LRCH1: variants seen among roughly 807,000 people sequenced by gnomAD.
The protein encoded by LRCH1 is leucine rich repeats and calponin homology domain containing 1.
In LRCH1, 23 loss-of-function variants were observed where a neutral mutation model predicts 94.9. The ratio of observed to expected loss-of-function variants is 0.24; its 90% CI spans 0.17 to 0.34. The LOEUF (loss-of-function observed/expected upper bound fraction) is 0.34. Among genes scored for constraint, LRCH1 ranks in the 10% least tolerant of loss-of-function variants. The pLI, the probability that LRCH1 is intolerant of heterozygous loss-of-function variation, is 1.00. For missense variants in LRCH1, 790 were observed against 945.9 expected (o/e 0.84, Z 2.16); for synonymous variants, 364 against 354.9 (o/e 1.03, Z -0.29).
Position 46,741,723 on chromosome 13 carries a change from G to T in LRCH1, c.2167G>T (p.Gly723Trp). Reference sequence around the variant, plus strand: ...GACTGTTGACACTCTGCTGGCACTCGGGGAGAAAGCCCCACCACCAACTTC... The same window carrying T: ...GACTGTTGACACTCTGCTGGCACTCTGGGAGAAAGCCCCACCACCAACTTC... ...RKTVDTLLALGEKAPPPTSAL... is the reference protein window; with the variant it reads ...RKTVDTLLALWEKAPPPTSAL... Residue 723 changes from glycine to tryptophan, a missense_variant, in exon 20 of 20, where the codon GGG becomes TGG. This residue lies in a region of LRCH1 where 460 missense variants were observed against 508.9 expected (regional missense o/e 0.90). Coordinates refer to ENST00000389797, the MANE Select transcript of LRCH1 (RefSeq NM_001164211.2). 6.2e-7 allele frequency: 1 copy of T among 1,614,146 alleles called. No individual in the cohort carries two copies. Among genetic ancestry groups the T allele is most frequent in the South Asian group, 1.1e-5 (1 of 91,076 alleles).
chr13:46,644,740 C>A (rs1031950203), intron 1 of LRCH1, among the ~76,000 whole-genome samples: 2 of 152,174 alleles, frequency 1.3e-5, no homozygotes, highest in African/African-American at 2.4e-5. Flanking sequence ...GCCTGTTTGT[C>A]CCCCAGTGTA....
chr13:46,587,219 A>T (rs1472413592), intron 1 of LRCH1, among the ~76,000 whole-genome samples: 1 of 152,176 alleles, frequency 6.6e-6, no homozygotes. Context: ...AAGAGTGGAG[A>T]GTTGGCCTTA....
At chr13:46,617,160 T>C (rs1006375317) in intron 1 of LRCH1, among the ~76,000 whole-genome samples, 2 of 152,218 alleles carry the variant, frequency 1.3e-5, no homozygotes, top group African/African-American at 2.4e-5. Flanking sequence ...AACTGTCAGA[T>C]AGCCTGTGTC....
intron 17 of LRCH1, among the ~76,000 whole-genome samples, chr13:46,726,862 C>CAAAAA (rs71077918): frequency 7.7e-5 from 6 of 78,002 alleles, no homozygotes; most frequent in Non-Finnish European, 1.4e-4. Flanking sequence ...AGAGCAGTGT[C>CAAAAA]AAAAAAAAAA....
chr13:46,641,057 T>C (rs1156921642), intron 1 of LRCH1, among the ~76,000 whole-genome samples: 1 of 152,164 alleles, frequency 6.6e-6, no homozygotes, highest in Non-Finnish European at 1.5e-5. Context: ...TTCTGCTTTA[T>C]TGGCTGGGTA....
chr13:46,684,192 G>C (rs762723626), intron 4 of LRCH1, among the ~76,000 whole-genome samples: 1 of 152,114 alleles, frequency 6.6e-6, no homozygotes, highest in Non-Finnish European at 1.5e-5. Flanking sequence ...TGGGGAGAGA[G>C]AGTGGGATTT....
chr13:46,685,316 A>C (rs973461165), intron 4 of LRCH1, among the ~76,000 whole-genome samples: 5 of 152,168 alleles, frequency 3.3e-5, no homozygotes, highest in Admixed American at 2.6e-4. Context: ...CTGTCTTCTG[A>C]GTGGAGCTAC....
chr13:46,738,443 G>A (rs550299481), intron 19 of LRCH1, among the ~76,000 whole-genome samples: 3 of 152,316 alleles, frequency 2.0e-5, no homozygotes, highest in African/African-American at 7.2e-5. Context: ...ATATATGAAA[G>A]TCATAATAGC....
At chr13:46,590,987 CCTGTAAGTT>C (rs2050493478) in intron 1 of LRCH1, among the ~76,000 whole-genome samples, 1 of 151,272 alleles carries the variant, frequency 6.6e-6, no homozygotes, top group African/African-American at 2.4e-5. Context: ...TTTTTTTCCC[CCTGTAAGTT>C]CTCTGCGAGC....
chr13:46,643,590 C>T (rs986743779), intron 1 of LRCH1, among the ~76,000 whole-genome samples: 1 of 152,166 alleles, frequency 6.6e-6, no homozygotes, highest in African/African-American at 2.4e-5. Context: ...TTGATCCACA[C>T]TCACTTCCCC....
At chr13:46,592,869 A>C (rs989899496) in intron 1 of LRCH1, among the ~76,000 whole-genome samples, 1 of 152,160 alleles carries the variant, frequency 6.6e-6, no homozygotes, top group African/African-American at 2.4e-5. Flanking sequence ...ATTGGTATTA[A>C]AAATCAATAT....
At chr13:46,608,848 G>A (rs1357875959) in intron 1 of LRCH1, among the ~76,000 whole-genome samples, 1 of 152,152 alleles carries the variant, frequency 6.6e-6, no homozygotes, top group Non-Finnish European at 1.5e-5. Flanking sequence ...AGAAATTTAA[G>A]TTTCTCTAGA....
At chr13:46,582,361 TG>T (rs2050378318) in intron 1 of LRCH1, among the ~76,000 whole-genome samples, 1 of 140,660 alleles carries the variant, frequency 7.1e-6, no homozygotes, top group African/African-American at 2.7e-5. Flanking sequence ...GAACAACCGT[TG>T]CTCTCATCTT....
At chr13:46,610,422 A>G (rs1250182031) in intron 1 of LRCH1, among the ~76,000 whole-genome samples, 1 of 151,802 alleles carries the variant, frequency 6.6e-6, no homozygotes, top group Non-Finnish European at 1.5e-5. Context: ...TTTTATTTAA[A>G]AACTTGTAAT....
chr13:46,720,302 G>A (rs1266377158), intron 16 of LRCH1, among the ~76,000 whole-genome samples: 1 of 151,512 alleles, frequency 6.6e-6, no homozygotes. Flanking sequence ...TGGGAGAATC[G>A]CGTGAGCCCA....
At chr13:46,569,107 G>T (rs992635700) in intron 1 of LRCH1, among the ~76,000 whole-genome samples, 1 of 151,998 alleles carries the variant, frequency 6.6e-6, no homozygotes, top group African/African-American at 2.4e-5. Context: ...CCCTCTTTAC[G>T]TAGTCTTACT....
At chr13:46,675,405 CT>C (rs1017376986) in intron 3 of LRCH1, among the ~76,000 whole-genome samples, 19 of 152,050 alleles carry the variant, frequency 1.2e-4, no homozygotes, top group African/African-American at 4.3e-4. Context: ...AAAATCATGT[CT>C]TCTAGCTCTT....
chr13:46,742,380 A>T lies in LRCH1; in HGVS notation c.*532A>T, dbSNP rs1873708447. ...ACTTTAATAATACCACTACTGACCAAGTTGGACGTGTACACGTACTCACAC... is the reference window on the plus strand; with the variant it reads ...ACTTTAATAATACCACTACTGACCATGTTGGACGTGTACACGTACTCACAC... On this transcript the variant is annotated 3_prime_UTR_variant, in exon 20 of 20. Coordinates refer to ENST00000389797, the MANE Select transcript of LRCH1 (RefSeq NM_001164211.2). 1 of 993,202 alleles carries T rather than the reference A, an allele frequency of 1.0e-6. No homozygotes were observed. Among genetic ancestry groups the T allele is most frequent in the South Asian group, 4.5e-5 (1 of 22,018 alleles). 61.5% of individuals were successfully genotyped at this position (993,202 alleles called of 1,614,324 possible).
chr13:46,705,278 C>G lies in LRCH1; in HGVS notation c.1501C>G (p.Gln501Glu). The change falls in exon 13 of 20, where the codon CAG becomes GAG. Residue 501 changes from glutamine (Q) to glutamate (E), a missense_variant. Gln to Glu is a conservative substitution (Grantham distance 29). This residue lies in a region of LRCH1 where 460 missense variants were observed against 508.9 expected (regional missense o/e 0.90). Transcript: ENST00000389797. Reference sequence around the variant, plus strand: ...TCCTTGTTCTCACAGTGGTCAAATACAGCTGGAGACATCTCCGGTGTGTGA... The same window carrying G: ...TCCTTGTTCTCACAGTGGTCAAATAGAGCTGGAGACATCTCCGGTGTGTGA... Reference protein sequence around the residue: ...LQDSALNGQIQLETSPVCEVQ... With the variant: ...LQDSALNGQIELETSPVCEVQ... 6.2e-7 allele frequency: 1 copy of G among 1,613,262 alleles called. No homozygotes were observed. Among genetic ancestry groups the G allele is most frequent in the Non-Finnish European group, 8.5e-7 (1 of 1,179,596 alleles).
Sources: gnomAD v4.1 joint callset for allele counts (sites outside exome capture counted in the v4.1 genomes callset) on GRCh38, gnomAD v4.1.1 for gene constraint, gnomAD v4.1.1 regional missense constraint, MANE v1.5 for transcripts, NCBI Gene and HGNC (gene_info 2026-07-23, HGNC 2026-07-21) for gene names.